NHSL2: variants seen among roughly 807,000 people sequenced by gnomAD.
NHSL2 encodes NHS like 2, also known as NHS-like protein 2.
A neutral mutation model predicts 53.4 loss-of-function variants in NHSL2; 27 were observed. The observed-to-expected ratio is 0.51, with a 90% CI of 0.37 to 0.70. The LOEUF (loss-of-function observed/expected upper bound fraction) is 0.70, where lower values mean the gene tolerates loss of function less well. Among genes scored for constraint, NHSL2 ranks in the 30% least tolerant of loss-of-function variants. The pLI is 0.00. For synonymous variants in NHSL2, 408 were observed against 404.1 expected (o/e 1.01, Z -0.12); for missense variants, 892 against 980.1 (o/e 0.91, Z 1.20).
At chrX:72,061,735 T>A (rs1250139343) in intron 1 of NHSL2, among the ~76,000 whole-genome samples, 1 of 112,473 alleles carries the variant, frequency 8.9e-6, no homozygotes, top group African/African-American at 3.2e-5. Flanking sequence ...ACCCTAGACA[T>A]GCTGGCTTCC....
intron 1 of NHSL2, among the ~76,000 whole-genome samples, chrX:72,029,542 A>G (rs1195909033): frequency 1.8e-5 from 2 of 112,420 alleles, no homozygotes; most frequent in Admixed American, 9.3e-5. Flanking sequence ...CACCCTTCCA[A>G]TCCCACTGTG....
At chrX:72,012,655 C>A (rs1431048741) in intron 1 of NHSL2, among the ~76,000 whole-genome samples, 1 of 112,590 alleles carries the variant, frequency 8.9e-6, no homozygotes, top group Non-Finnish European at 1.9e-5. Context: ...AGCTCATCTT[C>A]CAAATAAGGT....
At chrX:72,093,721 G>GCTTGCTTTCTTTCTTT (rs1216358306) in intron 1 of NHSL2, among the ~76,000 whole-genome samples, 73 of 95,335 alleles carry the variant, frequency 7.7e-4, no homozygotes, top group East Asian at 1.8e-3. Context: ...TAGCTTGCTT[G>GCTTGCTTTCTTTCTTT]CTTTCTTTCT....
intron 1 of NHSL2, among the ~76,000 whole-genome samples, chrX:71,915,889 T>A (rs1009964905): frequency 1.8e-5 from 2 of 112,374 alleles, no homozygotes; most frequent in Non-Finnish European, 3.8e-5. Flanking sequence ...CTTTAGTAAC[T>A]GAGGGCACCC....
chrX:72,032,702 T>C (rs943219803), intron 1 of NHSL2, among the ~76,000 whole-genome samples: 41 of 110,631 alleles, frequency 3.7e-4, no homozygotes, highest in African/African-American at 1.3e-3. Flanking sequence ...CTACTAAAAA[T>C]ACAAAAATTA....
At chrX:72,051,793 A>G (rs2147930487) in intron 1 of NHSL2, among the ~76,000 whole-genome samples, 1 of 110,960 alleles carries the variant, frequency 9.0e-6, no homozygotes, top group South Asian at 3.8e-4. Context: ...TCTCTCCAAC[A>G]TGTCCCCACC....
intron 1 of NHSL2, among the ~76,000 whole-genome samples, chrX:71,922,150 T>G (rs1348421383): frequency 8.9e-6 from 1 of 112,241 alleles, no homozygotes; most frequent in Non-Finnish European, 1.9e-5. Flanking sequence ...AGAAAGAGTA[T>G]TTATCTTTTT....
chrX:71,992,699 T>C (rs184884087), intron 1 of NHSL2, among the ~76,000 whole-genome samples: 60 of 112,790 alleles, frequency 5.3e-4, no homozygotes, highest in African/African-American at 1.9e-3. Context: ...CACTAACTTA[T>C]GTCAGCAAGG....
At chrX:72,110,753 C>T (rs1317711750) in intron 1 of NHSL2, among the ~76,000 whole-genome samples, 4 of 85,165 alleles carry the variant, frequency 4.7e-5, no homozygotes, top group Middle Eastern at 0.014. Flanking sequence ...AAAAAAAAAA[C>T]CCAAAGAGGA....
intron 1 of NHSL2, among the ~76,000 whole-genome samples, chrX:72,084,729 C>T (rs911019884): frequency 2.7e-5 from 3 of 112,221 alleles, no homozygotes; most frequent in African/African-American, 9.7e-5. Context: ...CCACACGGGT[C>T]TGGTCAGAGC....
intron 1 of NHSL2, among the ~76,000 whole-genome samples, chrX:72,106,527 T>C (rs889793368): frequency 8.9e-6 from 1 of 111,909 alleles, no homozygotes; most frequent in Non-Finnish European, 1.9e-5. Context: ...GGAGTGTAAA[T>C]TAGTTCAACC....
chrX:71,960,008 C>T (rs1197207871), intron 1 of NHSL2, among the ~76,000 whole-genome samples: 3 of 112,206 alleles, frequency 2.7e-5, no homozygotes, highest in Non-Finnish European at 5.6e-5. Context: ...CATCTCTCCA[C>T]ATCCTCATCA....
intron 5 of NHSL2, 85 bp downstream of exon 5, chrX:72,137,310 G>C (rs6625950): frequency 7.2e-6 from 7 of 977,332 alleles, no homozygotes; most frequent in Non-Finnish European, 9.7e-6. Flanking sequence ...TGTGGTGATG[G>C]GGAACAGGAA....
chrX:72,093,936 C>T (rs2041923469), intron 1 of NHSL2, among the ~76,000 whole-genome samples: 1 of 110,199 alleles, frequency 9.1e-6, no homozygotes, highest in African/African-American at 3.3e-5. Context: ...TGTGCTCCAC[C>T]ACGCTTGGCT....
At chrX:71,995,794 C>T (rs1464473543) in intron 1 of NHSL2, among the ~76,000 whole-genome samples, 1 of 112,604 alleles carries the variant, frequency 8.9e-6, no homozygotes, top group Non-Finnish European at 1.9e-5. Context: ...CATTGTCTAT[C>T]TCTCCCCACA....
chrX:71,929,994 A>G (rs1978903161), intron 1 of NHSL2, among the ~76,000 whole-genome samples: 1 of 111,526 alleles, frequency 9.0e-6, no homozygotes, highest in Admixed American at 9.5e-5. Flanking sequence ...GGCTCAAACA[A>G]TCTGCCTGCT....
At chrX:71,941,797 T>C (rs888693281) in intron 1 of NHSL2, among the ~76,000 whole-genome samples, 1 of 112,256 alleles carries the variant, frequency 8.9e-6, no homozygotes, top group Non-Finnish European at 1.9e-5. Context: ...CACAGTCTTC[T>C]TTCCTTCACA....
chrX:71,930,972 C>A (rs1389414630), intron 1 of NHSL2, among the ~76,000 whole-genome samples: 1 of 112,195 alleles, frequency 8.9e-6, no homozygotes, highest in South Asian at 3.7e-4. Context: ...GAGGAACTGC[C>A]AGACTGTTTT....
At chrX:72,066,433 G>A (rs1192939418) in intron 1 of NHSL2, among the ~76,000 whole-genome samples, 1 of 111,712 alleles carries the variant, frequency 9.0e-6, no homozygotes, top group Admixed American at 9.5e-5. Context: ...ACTCCCAGCA[G>A]ATCCTTAAGC....
Sources: gnomAD v4.1 joint callset for allele counts (sites outside exome capture counted in the v4.1 genomes callset) on GRCh38, gnomAD v4.1.1 for gene constraint, MANE v1.5 for transcripts, NCBI Gene and HGNC (gene_info 2026-07-23, HGNC 2026-07-21) for gene names.